The following KLRG1 variants were observed in gnomAD, a reference collection of about 807,000 sequenced individuals.
KLRG1 encodes killer cell lectin-like receptor subfamily G member 1.
In KLRG1, 16 loss-of-function variants were observed where a neutral mutation model predicts 21.8. The observed-to-expected ratio is 0.73, with a 90% CI of 0.50 to 1.11. The LOEUF (loss-of-function observed/expected upper bound fraction) is 1.11. Ranked by LOEUF, KLRG1 falls within the 50% of genes most tolerant of loss-of-function variation. KLRG1 has a pLI of 0.00. For missense variants in KLRG1, 173 were observed against 218.3 expected (o/e 0.79, Z 1.31); for synonymous variants, 69 against 75.9 (o/e 0.91, Z 0.47).
the KLRG1 span, chr12:9,181,904 C>T: frequency 1.3e-6 from 2 of 1,509,794 alleles, no homozygotes; most frequent in Non-Finnish European, 9.0e-7. Flanking sequence ...TTAGTTTTCT[C>T]TGGGGTAAAA....
the KLRG1 span, among the ~76,000 whole-genome samples, chr12:9,078,402 G>A: frequency 1.3e-5 from 2 of 152,192 alleles, no homozygotes; most frequent in Non-Finnish European, 2.9e-5. Context: ...AGTATTCCAT[G>A]ATGTATATGT....
At chr12:9,040,287 G>A in the KLRG1 span, among the ~76,000 whole-genome samples, 259 of 152,116 alleles carry the variant, frequency 1.7e-3, no homozygotes, top group Non-Finnish European at 3.2e-3. Flanking sequence ...AACTTCTCTC[G>A]CCTCATCTTG....
At chr12:9,022,785 A>T in the KLRG1 span, among the ~76,000 whole-genome samples, 1 of 152,180 alleles carries the variant, frequency 6.6e-6, no homozygotes, top group South Asian at 2.1e-4. Flanking sequence ...GAGTTGATCA[A>T]TGGCCATCAA....
At chr12:8,994,592 A>G (rs1286617708) in intron 2 of KLRG1, among the ~76,000 whole-genome samples, 1 of 152,222 alleles carries the variant, frequency 6.6e-6, no homozygotes, top group African/African-American at 2.4e-5. Flanking sequence ...CATCTGTGAT[A>G]ATAAAAAAGC....
chr12:9,117,419 A>T, the KLRG1 span, among the ~76,000 whole-genome samples: 1 of 152,198 alleles, frequency 6.6e-6, no homozygotes, highest in African/African-American at 2.4e-5. Context: ...TTGTGGTGGT[A>T]TTGAAAAGAG....
chr12:9,093,536 A>G, the KLRG1 span: 2 of 1,613,130 alleles, frequency 1.2e-6, no homozygotes, highest in Admixed American at 3.3e-5. Context: ...GAGGCTCTTC[A>G]ACATGCACCA....
At chr12:9,124,298 C>T in the KLRG1 span, among the ~76,000 whole-genome samples, 2 of 152,050 alleles carry the variant, frequency 1.3e-5, 1 homozygote, top group Non-Finnish European at 2.9e-5. Context: ...AGCTCCGTCC[C>T]TTCTGAGTTG....
At chr12:9,191,871 T>C in the KLRG1 span, among the ~76,000 whole-genome samples, 9 of 152,180 alleles carry the variant, frequency 5.9e-5, no homozygotes, top group African/African-American at 2.2e-4. Context: ...GTTAATTTAA[T>C]CAATGTACAC....
At chr12:9,095,421 C>T in the KLRG1 span, 4 of 976,788 alleles carry the variant, frequency 4.1e-6, no homozygotes, top group Non-Finnish European at 5.9e-6. Flanking sequence ...AAGCCACTTA[C>T]CTCTTTATAT....
At chr12:9,085,731 AAGAC>A in the KLRG1 span, among the ~76,000 whole-genome samples, 3 of 152,202 alleles carry the variant, frequency 2.0e-5, no homozygotes, top group South Asian at 2.1e-4. Context: ...TTTTTTTAAA[AAGAC>A]AGACAAAAAC....
At chr12:8,998,106 A>G (rs1454869342) in intron 3 of KLRG1, among the ~76,000 whole-genome samples, 1 of 152,126 alleles carries the variant, frequency 6.6e-6, no homozygotes, top group Non-Finnish European at 1.5e-5. Context: ...AGGTGGGTGG[A>G]TCACTTGAGG....
At chr12:9,011,811 G>A (rs2137462366), downstream of KLRG1, among the ~76,000 whole-genome samples, 1 of 152,286 alleles carries the variant, frequency 6.6e-6, no homozygotes, top group Middle Eastern at 3.4e-3. Context: ...TCTGTGCTTT[G>A]GGGAGGAAGA....
chr12:8,961,335 TA>T (rs1946377679), intron 1 of KLRG1, among the ~76,000 whole-genome samples: 1 of 152,174 alleles, frequency 6.6e-6, no homozygotes, highest in Admixed American at 6.6e-5. Context: ...CAGTTCTAGA[TA>T]AAAAACAGGC....
the KLRG1 span, chr12:9,151,619 GA>G: frequency 1.2e-5 from 19 of 1,613,692 alleles, no homozygotes; most frequent in Non-Finnish European, 1.3e-5. Flanking sequence ...CCACATAAAT[GA>G]GGACATGGTT....
chr12:9,077,732 C>T, the KLRG1 span: 3 of 1,614,138 alleles, frequency 1.9e-6, no homozygotes, highest in Non-Finnish European at 1.7e-6. Flanking sequence ...TGACCCAGAG[C>T]TCCTGAAACA....
At chr12:8,965,952 A>C (rs896898446) in intron 1 of KLRG1, among the ~76,000 whole-genome samples, 2 of 152,250 alleles carry the variant, frequency 1.3e-5, no homozygotes, top group African/African-American at 4.8e-5. Flanking sequence ...ACAAGGCTAC[A>C]GTAACCAAAA....
the KLRG1 span, chr12:9,165,391 A>C: frequency 6.2e-7 from 1 of 1,613,016 alleles, no homozygotes; most frequent in South Asian, 1.1e-5. Flanking sequence ...CAAGTGAAGA[A>C]CAGAAATAAT....
rs1805723 is a variant in KLRG1, at chr12:8,989,701, T to C, written c.66T>C (p.Tyr22=). ...LPTATQAQND[Y]GPQQKSSSSR... ...CGGCAACCCAAGCCCAGAATGACTATGGACCACAGCAAAAATGTGAGTTAA... is the reference window on the plus strand; with the variant it reads ...CGGCAACCCAAGCCCAGAATGACTACGGACCACAGCAAAAATGTGAGTTAA... The change falls in exon 1 of 5, where the codon TAT becomes TAC. Residue 22 remains tyrosine (Y), a synonymous_variant. Transcript: ENST00000356986. The C allele has an allele frequency of 0.44, 695,893 of 1,599,442 alleles. 155,614 individuals carry two copies. Among genetic ancestry groups the C allele is most frequent in the Non-Finnish European group, 0.45 (526,075 of 1,168,468 alleles).
the KLRG1 span, among the ~76,000 whole-genome samples, chr12:9,190,130 T>A: frequency 6.6e-6 from 1 of 152,068 alleles, no homozygotes; most frequent in Non-Finnish European, 1.5e-5. Context: ...GACCCAAGAA[T>A]CCCAGTACTG....
Sources: gnomAD v4.1 joint callset for allele counts (sites outside exome capture counted in the v4.1 genomes callset) on GRCh38, gnomAD v4.1.1 for gene constraint, MANE v1.5 for transcripts, NCBI Gene and HGNC (gene_info 2026-07-23, HGNC 2026-07-21) for gene names.